The following ACSL6 variants were observed in gnomAD, a reference collection of about 807,000 sequenced individuals.
ACSL6 encodes the protein acyl-CoA synthetase long chain family member 6.
ACSL6 carries 47 observed loss-of-function variants against 98.2 expected under a neutral mutation model. That is an observed-to-expected ratio of 0.48 (90% CI 0.38 to 0.61). ACSL6 has a LOEUF of 0.61. Ranked by LOEUF, ACSL6 falls within the 20% of genes least tolerant of loss-of-function variation. The pLI, the probability that ACSL6 is intolerant of heterozygous loss-of-function variation, is 0.00. For synonymous variants in ACSL6, 362 were observed against 336.9 expected (o/e 1.07, Z -0.82); for missense variants, 761 against 913.4 (o/e 0.83, Z 2.15).
At chr5:131,976,820 A>G (rs768081273) in intron 9 of ACSL6, 99 bp from the exon 10 acceptor site, 18 of 964,450 alleles carry the variant, frequency 1.9e-5, no homozygotes, top group Middle Eastern at 4.2e-4. Flanking sequence ...CATGCTGTCT[A>G]CCCAAGCCTC....
At position 131,988,188 on chromosome 5, in the gene ACSL6, C is replaced by T. The variant is rs554158444; in HGVS notation, c.691G>A (p.Ala231Thr). 20 of 1,614,202 alleles carry T rather than the reference C, an allele frequency of 1.2e-5. 1 individual carries two copies. In the South Asian group the frequency reaches 2.2e-4, roughly 18 times the overall value. The change falls in exon 7 of 21, where the codon GCT (alanine) becomes ACT (threonine). Residue 231 changes from alanine to threonine, a missense_variant. Transcript: ENST00000651883. The part of the protein sequence containing the change: ...STVIVDKPQK[A>T]VLLLEHVERK... The stretch of plus-strand genomic sequence containing the variant: ...TCCACATGCTCTAGCAGAAGCACAG[C>T]CTTCTGAGGTTTGTCCACAATCACG...
chr5:131,978,794 C>A (rs999720018), intron 9 of ACSL6, among the ~76,000 whole-genome samples: 3 of 152,150 alleles, frequency 2.0e-5, no homozygotes, highest in Non-Finnish European at 4.4e-5. Flanking sequence ...AATTATATCC[C>A]AGGAGGCCTA....
chr5:131,971,325 C>T (rs1196882228), intron 14 of ACSL6, among the ~76,000 whole-genome samples: 2 of 152,116 alleles, frequency 1.3e-5, no homozygotes, highest in Non-Finnish European at 2.9e-5. Flanking sequence ...TCCAAAGGTC[C>T]AGATAAAAGA....
intron 1 of ACSL6, among the ~76,000 whole-genome samples, chr5:132,000,052 A>G (rs1754999207): frequency 6.6e-6 from 1 of 151,726 alleles, no homozygotes; most frequent in Non-Finnish European, 1.5e-5. Context: ...GGGGATGGGG[A>G]TGCTAGCTCT....
chr5:131,997,335 T>C (rs1754842489), intron 1 of ACSL6, among the ~76,000 whole-genome samples: 1 of 152,150 alleles, frequency 6.6e-6, no homozygotes, highest in Non-Finnish European at 1.5e-5. Flanking sequence ...AGTAAACAAG[T>C]AGTAGAGCAT....
chr5:131,977,768 G>A (rs933993553), intron 9 of ACSL6, among the ~76,000 whole-genome samples: 1 of 152,184 alleles, frequency 6.6e-6, no homozygotes, highest in Non-Finnish European at 1.5e-5. Flanking sequence ...AAAGGGCTGA[G>A]AGAGACTAAG....
intron 12 of ACSL6, 144 bp from the exon 13 acceptor site, chr5:131,973,002 G>C (rs1404245505): frequency 8.1e-7 from 1 of 1,236,520 alleles, no homozygotes; most frequent in Non-Finnish European, 1.1e-6. Context: ...GTGTGACATT[G>C]AGCTGAAGGT....
At chr5:131,981,683 G>C (rs1390323322) in intron 9 of ACSL6, among the ~76,000 whole-genome samples, 1 of 152,192 alleles carries the variant, frequency 6.6e-6, no homozygotes, top group Non-Finnish European at 1.5e-5. Context: ...ATTATTTCCA[G>C]ATTTTGACTA....
chr5:131,999,449 G>A (rs1430862750), intron 1 of ACSL6: 2 of 152,130 alleles, frequency 1.3e-5, no homozygotes, highest in African/African-American at 4.8e-5. Flanking sequence ...GGAGGCGGCT[G>A]AGCTCGTCCC....
At position 131,986,837 on chromosome 5, in the gene ACSL6, A is replaced by G. The variant is rs1373232001; in HGVS notation, c.849T>C (p.Asn283=). The change falls in exon 8 of 21, where the codon AAT becomes AAC. Residue 283 remains asparagine, a synonymous_variant. Transcript: ENST00000651883. ...ATTCGCTTACCACAGGAGCCTGGTG[A>G]TTCTCTTGGCCACAGTCCTGAAAGA... ...MQAVEDCGQE[N]HQAPVPPQPD... 1 of 1,614,188 alleles carries G rather than the reference A, an allele frequency of 6.2e-7. No homozygotes were observed. Among genetic ancestry groups the G allele is most frequent in the Non-Finnish European group, 8.5e-7 (1 of 1,180,036 alleles).
In ACSL6 at chr5:131,974,953, T is replaced by C. The variant is rs1349840531; in HGVS notation, c.1008A>G (p.Arg336=). 2.5e-6 allele frequency: 4 copies of C among 1,613,768 alleles called. No individual in the cohort carries two copies. The African/African-American group carries it at 4.0e-5, about 16-fold the overall frequency. ...LKVTEKVIFP[R]QDDVLISFLP... is the part of the protein sequence containing the mutation. ...GGAAGGAGATGAGCACATCGTCCTG[T>C]CTCGGAAAGATCACTTTCTGCAGGC... The change falls in exon 11 of 21, where the codon AGA becomes AGG. Residue 336 remains arginine, a synonymous_variant. Transcript: ENST00000651883.
intron 9 of ACSL6, among the ~76,000 whole-genome samples, chr5:131,978,548 G>A (rs955646025): frequency 2.0e-5 from 3 of 152,150 alleles, no homozygotes; most frequent in African/African-American, 7.2e-5. Flanking sequence ...GCCAGCCCTC[G>A]CTCGGGAAAG....
In ACSL6 at chr5:131,951,581, G is replaced by GTTT; in HGVS notation, c.*2650_*2652dup. The GTTT allele has an allele frequency of 3.5e-5, 6 of 170,956 alleles. No homozygotes were observed. The highest frequency in any genetic ancestry group is 6.2e-5 in the Non-Finnish European group (5 of 80,524). 10.6% of individuals were successfully genotyped at this position (170,956 alleles called of 1,614,324 possible). On this transcript the variant is annotated 3_prime_UTR_variant, in exon 21 of 21. Coordinates refer to ENST00000651883, the MANE Select transcript of ACSL6 (RefSeq NM_001009185.3). ...GGCAAAAAGAAGAAACCTTGTTTTT[G>GTTT]TTTTTTTTTTTTCTTTCTTTTTGAG...
chr5:131,985,274 G>A, intron 9 of ACSL6, 133 bp downstream of exon 9: 1 of 1,144,756 alleles, frequency 8.7e-7, no homozygotes, highest in South Asian at 1.4e-5. Context: ...AGGTCACCCA[G>A]TGTCTGGAGC....
At chr5:131,967,837 CTT>C in intron 16 of ACSL6, 101 bp downstream of exon 16, 2 of 1,056,934 alleles carry the variant, frequency 1.9e-6, no homozygotes. Flanking sequence ...TTTAAAATGA[CTT>C]TATACACAAG....
At chr5:131,978,814 C>T (rs1753757759) in intron 9 of ACSL6, among the ~76,000 whole-genome samples, 1 of 152,168 alleles carries the variant, frequency 6.6e-6, no homozygotes, top group South Asian at 2.1e-4. Context: ...ACTTGTTCAA[C>T]TTACTGGTGA....
chr5:132,009,955 G>A (rs919409469), intron 1 of ACSL6, among the ~76,000 whole-genome samples: 2 of 152,176 alleles, frequency 1.3e-5, no homozygotes, highest in African/African-American at 4.8e-5. Context: ...CCTGAGGGTA[G>A]GGCAAAGGGG....
At position 131,988,906 on chromosome 5, in the gene ACSL6, T is replaced by C; in HGVS notation, c.553-2A>G. ...GCAGGCCAGCTCCACAATGATCCACTGTGGAGACACATGAGGCGGGGGTGG... is the reference window on the plus strand; with the variant it reads ...GCAGGCCAGCTCCACAATGATCCACCGTGGAGACACATGAGGCGGGGGTGG... On this transcript the variant is annotated splice_acceptor_variant, in intron 5 of 20. Transcript: ENST00000651883. LOFTEE classifies it high-confidence loss of function. 3.7e-6 allele frequency: 6 copies of C among 1,611,772 alleles called. No individual in the cohort carries two copies. The highest frequency in any genetic ancestry group is 3.4e-6 in the Non-Finnish European group (4 of 1,179,018).
intron 19 of ACSL6, 85 bp downstream of exon 19, chr5:131,960,435 C>A (rs764066322): frequency 3.7e-6 from 4 of 1,093,356 alleles, no homozygotes. Flanking sequence ...TCGAATTTCA[C>A]TGGTCTACAA....
Sources: gnomAD v4.1 joint callset for allele counts (sites outside exome capture counted in the v4.1 genomes callset) on GRCh38, gnomAD v4.1.1 for gene constraint, MANE v1.5 for transcripts, NCBI Gene and HGNC (gene_info 2026-07-23, HGNC 2026-07-21) for gene names.